TRMT1L: variants seen among roughly 807,000 people sequenced by gnomAD.
TRMT1L encodes the protein tRNA (guanine(27)-N(2))-dimethyltransferase.
In TRMT1L, 28 loss-of-function variants were observed where a neutral mutation model predicts 81.6. The observed-to-expected ratio is 0.34, with a 90% CI of 0.25 to 0.47. The LOEUF (loss-of-function observed/expected upper bound fraction) is 0.47, where lower values mean the gene tolerates loss of function less well. Among genes scored for constraint, TRMT1L ranks in the 20% least tolerant of loss-of-function variants. The pLI is 1.00. For synonymous variants in TRMT1L, 301 were observed against 303.2 expected (o/e 0.99, Z 0.07); for missense variants, 739 against 877.1 (o/e 0.84, Z 1.99).
At chr1:185,153,819 CTAATAT>C (rs1653424740) in intron 1 of TRMT1L, among the ~76,000 whole-genome samples, 1 of 152,076 alleles carries the variant, frequency 6.6e-6, no homozygotes, top group African/African-American at 2.4e-5. Context: ...ACAGGGCTCT[CTAATAT>C]TATGTTATTA....
At position 185,156,863 on chromosome 1, in the gene TRMT1L, G is replaced by C; in HGVS notation, c.-151C>G. The stretch of plus-strand genomic sequence containing the variant: ...ATGCGTGCAACAGACAAAAGATGAA[G>C]AACCAGTGACCAAATCCTGTTAGTA... On this transcript the variant is annotated 5_prime_UTR_variant, in exon 1 of 15. Coordinates refer to ENST00000367506, the MANE Select transcript of TRMT1L (RefSeq NM_030934.5). 9.2e-7 allele frequency: 1 copy of C among 1,090,874 alleles called. No individual in the cohort carries two copies. Among genetic ancestry groups the C allele is most frequent in the East Asian group, 2.9e-5 (1 of 34,294 alleles). The allele number at this position is 1,090,874 out of a possible 1,614,324, so 67.6% of individuals were successfully genotyped here.
chr1:185,123,558 T>G (rs1411363845), intron 13 of TRMT1L, among the ~76,000 whole-genome samples: 2 of 152,076 alleles, frequency 1.3e-5, no homozygotes, highest in African/African-American at 4.8e-5. Flanking sequence ...TTATCTTAAC[T>G]ATAAAATTAT....
intron 10 of TRMT1L, among the ~76,000 whole-genome samples, chr1:185,133,870 T>A (rs1025621958): frequency 6.6e-5 from 10 of 152,096 alleles, no homozygotes; most frequent in African/African-American, 1.2e-4. Flanking sequence ...TTAAAGCCAA[T>A]AATTTTGGAG....
At position 185,137,877 on chromosome 1, in the gene TRMT1L, C is replaced by G. The variant is rs977154962; in HGVS notation, c.1323-81G>C. ...ATTATACTGACAATATTAACCTGGA[C>G]AGTATACTATGGATAAGTTATGGGA... On this transcript the variant is annotated intron_variant, in intron 9 of 14. Coordinates refer to ENST00000367506, the MANE Select transcript of TRMT1L (RefSeq NM_030934.5). 2.9e-6 allele frequency: 4 copies of G among 1,389,698 alleles called. No homozygotes were observed. The South Asian group carries it at 4.0e-5, about 14-fold the overall frequency. The allele number at this position is 1,389,698 out of a possible 1,614,324, so 86.1% of individuals were successfully genotyped here.
rs939234015 is a variant in TRMT1L at position 185,143,788 on chromosome 1, G to A, written c.779+118C>T. On this transcript the variant is annotated intron_variant, in intron 6 of 14. Transcript: ENST00000367506. ...TTCTTCTGAGAAAAATGTTAAAACA[G>A]ATGATTTTTATTCTGCACCTAGTTC... 8.0e-6 allele frequency: 7 copies of A among 877,098 alleles called. No individual in the cohort carries two copies. The African/African-American group carries it at 1.2e-4, about 15-fold the overall frequency. The allele number at this position is 877,098 out of a possible 1,614,324, so 54.3% of individuals were successfully genotyped here. A position where few individuals can be genotyped will look rare whatever the true frequency, so the allele number is the denominator to read the frequency against.
intron 13 of TRMT1L, 57 bp downstream of exon 13, chr1:185,123,800 G>T: frequency 9.7e-7 from 1 of 1,036,170 alleles, no homozygotes; most frequent in Non-Finnish European, 1.4e-6. Context: ...CTACCCTTTT[G>T]CTATATGCCT....
chr1:185,150,893 G>A lies in TRMT1L; in HGVS notation c.347-401C>T, dbSNP rs539595267. On this transcript the variant is annotated intron_variant, in intron 2 of 14. Transcript: ENST00000367506. ...GACAAAGAGCAAAAGTATGTGCTGT[G>A]GTATTCCTCTACTAAACTGGCAACA... 7.5e-4 allele frequency among the ~76,000 whole-genome samples: 114 copies of A among 152,250 alleles called. No homozygotes were observed. The Middle Eastern group carries it at 0.02, about 27-fold the overall frequency.
At chr1:185,127,781 A>T (rs1018036805) in intron 11 of TRMT1L, among the ~76,000 whole-genome samples, 10 of 151,292 alleles carry the variant, frequency 6.6e-5, no homozygotes, top group African/African-American at 2.4e-4. Flanking sequence ...AAAAAAAAAA[A>T]AAGAATCTCT....
rs112386650 is a variant in TRMT1L, at chr1:185,151,453, G to A, written c.346+372C>T. On this transcript the variant is annotated intron_variant, in intron 2 of 14. Transcript: ENST00000367506. ...GAGAGCAGTGTGGGGCACTGATAAC[G>A]TGGAACTCTCATACCAGCCCTAAAT... Among the ~76,000 whole-genome samples the A allele has an allele frequency of 5.3e-5, 8 of 152,252 alleles. 1 individual carries two copies. The highest frequency in any genetic ancestry group is 1.7e-4 in the African/African-American group (7 of 41,546).
rs1053599809 is a variant in TRMT1L, at chr1:185,119,046, A to G, written c.*973T>C. The G allele has an allele frequency of 1.3e-5, 2 of 150,612 alleles. No individual in the cohort carries two copies. The highest frequency in any genetic ancestry group is 3.0e-5 in the Non-Finnish European group (2 of 67,502). 9.3% of individuals were successfully genotyped at this position (150,612 alleles called of 1,614,324 possible). ...GTGAGAATTCCATTAAGGAAACAAT[A>G]TTTTTTTTTTCAACTAATTTTTATA... On this transcript the variant is annotated 3_prime_UTR_variant, in exon 15 of 15. Coordinates refer to ENST00000367506, the MANE Select transcript of TRMT1L (RefSeq NM_030934.5).
intron 7 of TRMT1L, among the ~76,000 whole-genome samples, chr1:185,141,384 T>C (rs987522774): frequency 2.0e-5 from 3 of 152,138 alleles, no homozygotes; most frequent in Non-Finnish European, 4.4e-5. Context: ...TCCTTAGATA[T>C]TAGCTTTAAT....
chr1:185,141,429 C>A (rs186049464), intron 7 of TRMT1L, among the ~76,000 whole-genome samples: 1 of 152,054 alleles, frequency 6.6e-6, no homozygotes, highest in African/African-American at 2.4e-5. Context: ...AGAGGCTGGG[C>A]GCGGTGGCTC....
At position 185,119,761 on chromosome 1, in the gene TRMT1L, G is replaced by C. The variant is rs1652450503; in HGVS notation, c.*258C>G. ...TGAAAATTTTCTGAATTATTAAGCA[G>C]TAGGGTGATCTCAGTGAGACTTGGC... On this transcript the variant is annotated 3_prime_UTR_variant, in exon 15 of 15. Transcript: ENST00000367506. 2 of 349,462 alleles carry C rather than the reference G, an allele frequency of 5.7e-6. No individual in the cohort carries two copies. The highest frequency in any genetic ancestry group is 1.5e-4 in the South Asian group (2 of 12,980). 21.6% of individuals were successfully genotyped at this position (349,462 alleles called of 1,614,324 possible). A position where few individuals can be genotyped will look rare whatever the true frequency, so the allele number is the denominator to read the frequency against.
At position 185,118,301 on chromosome 1, in the gene TRMT1L, T is replaced by C. The variant is rs1652411851; in HGVS notation, c.*1718A>G. On this transcript the variant is annotated 3_prime_UTR_variant, in exon 15 of 15. Transcript: ENST00000367506. Reference sequence around the variant, plus strand: ...AAACTACCGCCTACCAAATTTTTCTTTGAAAAATCTACCTTTATATGTGAA... The same window carrying C: ...AAACTACCGCCTACCAAATTTTTCTCTGAAAAATCTACCTTTATATGTGAA... 1 of 152,152 alleles carries C rather than the reference T, an allele frequency of 6.6e-6. No individual in the cohort carries two copies. The allele number at this position is 152,152 out of a possible 1,614,324, so 9.4% of individuals were successfully genotyped here.
chr1:185,132,084 T>G (rs987940798), intron 10 of TRMT1L, among the ~76,000 whole-genome samples: 1 of 151,850 alleles, frequency 6.6e-6, no homozygotes, highest in African/African-American at 2.4e-5. Flanking sequence ...GAGGTTGCAG[T>G]GAGCCAAGAT....
chr1:185,147,800 T>G (rs1319561962), intron 3 of TRMT1L, among the ~76,000 whole-genome samples: 2 of 152,124 alleles, frequency 1.3e-5, no homozygotes, highest in Admixed American at 1.3e-4. Context: ...CTTTCACAAT[T>G]CCAATTAAAG....
chr1:185,142,077 G>C (rs888533906), intron 7 of TRMT1L, among the ~76,000 whole-genome samples: 1 of 152,100 alleles, frequency 6.6e-6, no homozygotes, highest in Non-Finnish European at 1.5e-5. Flanking sequence ...AGAGTAACAG[G>C]AAAAGAAGGA....
Position 185,147,311 on chromosome 1 carries a change from A to G in TRMT1L, c.461-65T>C, listed in dbSNP as rs372553763. The G allele has an allele frequency of 3.7e-5, 46 of 1,242,724 alleles. No homozygotes were observed. The Middle Eastern group carries it at 9.8e-4, about 26-fold the overall frequency. 77.0% of individuals were successfully genotyped at this position (1,242,724 alleles called of 1,614,324 possible). On this transcript the variant is annotated intron_variant, in intron 3 of 14. Transcript: ENST00000367506. ...AAATATTCAGTTATCAAAAATTATA[A>G]GCAAGTTTTATTTTATAAGAATTGG...
In TRMT1L at chr1:185,145,568, T is replaced by C. The variant is rs1346849261; in HGVS notation, c.526A>G (p.Ile176Val). 8.1e-6 allele frequency: 13 copies of C among 1,610,526 alleles called. No individual in the cohort carries two copies. In the South Asian group the frequency reaches 1.3e-4, roughly 16 times the overall value. The change falls in exon 5 of 15, where the codon ATA becomes GTA. Residue 176 changes from isoleucine (I) to valine (V), a missense_variant and splice_region_variant. Around this residue, in one of 4 missense-constraint regions of TRMT1L, gnomAD observed 331 missense variants for 462.2 expected, o/e 0.72. Transcript: ENST00000367506. ...PVKPNIIGEQ[I>V]TSKMGAHYHC... Reference sequence around the variant, plus strand: ...TAATGGGCTCCCATTTTACTGGTTATCTATCAAACAGAGTATTTAATTTAA... The same window carrying C: ...TAATGGGCTCCCATTTTACTGGTTACCTATCAAACAGAGTATTTAATTTAA...
Sources: allele counts gnomAD v4.1 joint callset (sites outside exome capture counted in the v4.1 genomes callset), GRCh38; gene constraint gnomAD v4.1.1; regional missense constraint gnomAD v4.1.1; transcripts MANE v1.5; gene names NCBI Gene and HGNC (gene_info 2026-07-23, HGNC 2026-07-21).